SCN10A: variants seen among roughly 807,000 people sequenced by gnomAD.
SCN10A encodes the protein sodium voltage-gated channel alpha subunit 10.
A neutral mutation model predicts 170.7 loss-of-function variants in SCN10A; 162 were observed. The observed-to-expected ratio is 0.95, with a 90% CI of 0.84 to 1.08. The LOEUF is 1.08. Ranked by LOEUF, SCN10A falls within the 50% of genes least tolerant of loss-of-function variation. SCN10A has a pLI of 0.00. For missense variants in SCN10A, 2,527 were observed against 2,436.9 expected (o/e 1.04, Z -0.78); for synonymous variants, 985 against 904.6 (o/e 1.09, Z -1.59).
In SCN10A at chr3:38,697,896, A is replaced by G. The variant is rs2063110667; in HGVS notation, c.5324T>C (p.Leu1775Pro). The G allele has an allele frequency of 1.2e-6, 2 of 1,614,014 alleles. No individual in the cohort carries two copies. The highest frequency in any genetic ancestry group is 1.3e-5 in the African/African-American group (1 of 74,896). ...ATTTCGATTGGGTTTTGGGATTCTC[A>G]GGGGACCAGAGAGAGTGTCTGCAAA... Reference protein sequence around the residue: ...SDFADTLSGPLRIPKPNRNIL... With the variant: ...SDFADTLSGPPRIPKPNRNIL... Residue 1775 changes from leucine to proline, a missense_variant, in exon 28 of 28, where the codon CTG becomes CCG. Leu to Pro is a moderately conservative substitution (Grantham distance 98, BLOSUM62 -3). Coordinates refer to ENST00000449082, the MANE Select transcript of SCN10A (RefSeq NM_006514.4).
intron 1 of SCN10A, among the ~76,000 whole-genome samples, chr3:38,796,575 C>G (rs185639934): frequency 2.4e-4 from 36 of 152,312 alleles, no homozygotes; most frequent in South Asian, 1.2e-3. Flanking sequence ...TAGTCCCCAG[C>G]CACACTACTT....
At chr3:38,702,200 C>T (rs2063163868) in intron 26 of SCN10A, 91 bp from the exon 27 acceptor site, 6 of 1,341,352 alleles carry the variant, frequency 4.5e-6, no homozygotes, top group Non-Finnish European at 6.1e-6. Flanking sequence ...GTCTCCATCA[C>T]ACTCCACATC....
intron 27 of SCN10A, 45 bp downstream of exon 27, chr3:38,701,794 C>T: frequency 1.9e-6 from 3 of 1,548,974 alleles, no homozygotes; most frequent in Admixed American, 3.9e-5. Flanking sequence ...CCCAAAGACC[C>T]CCAAACAGAG....
chr3:38,716,414 A>G (rs1433955692), intron 21 of SCN10A, among the ~76,000 whole-genome samples: 3 of 151,924 alleles, frequency 2.0e-5, no homozygotes, highest in Admixed American at 2.0e-4. Context: ...TATAAGGGGG[A>G]GTTTCCCTGC....
chr3:38,723,601 C>G, intron 18 of SCN10A, 48 bp from the exon 19 acceptor site: 1 of 1,548,340 alleles, frequency 6.5e-7, no homozygotes, highest in Non-Finnish European at 8.7e-7. Context: ...CCGCGGGGCC[C>G]GGGGAATTGC....
rs146965005 is a variant in SCN10A at position 38,722,404 on chromosome 3, G to T, written c.3361C>A (p.Arg1121Ser). ...TCCAGTTTGCAGCAGGGACAGTGGCGAATGCATCCTGTGGGGAGAGGTGAC... is the reference window on the plus strand; with the variant it reads ...TCCAGTTTGCAGCAGGGACAGTGGCTAATGCATCCTGTGGGGAGAGGTGAC... ...PDDCFTEGCIRHCPCCKLDTT... is the reference protein window; with the variant it reads ...PDDCFTEGCISHCPCCKLDTT... Residue 1121 changes from arginine (R) to serine (S), a missense_variant, in exon 20 of 28, where the codon CGC (arginine) becomes AGC (serine). By Grantham distance (110) the Arg-to-Ser change is moderately radical. Transcript: ENST00000449082. 7.9e-5 allele frequency: 128 copies of T among 1,613,506 alleles called. No individual in the cohort carries two copies. In the African/African-American group the frequency reaches 1.4e-3, roughly 18 times the overall value.
chr3:38,746,245 A>G lies in SCN10A; in HGVS notation c.1868-3716T>C, dbSNP rs189182365. 3.7e-3 allele frequency among the ~76,000 whole-genome samples: 560 copies of G among 151,198 alleles called. 5 individuals carry two copies. Among genetic ancestry groups the G allele is most frequent in the African/African-American group, 0.013 (537 of 41,212 alleles). The stretch of plus-strand genomic sequence containing the variant: ...ATCTTCTTTCATCTTTCCCCATTAA[A>G]GCCCCCTTCTTCCCCTAAAATGCTC... On this transcript the variant is annotated intron_variant, in intron 13 of 27. Transcript: ENST00000449082.
intron 4 of SCN10A, among the ~76,000 whole-genome samples, chr3:38,779,683 C>A (rs1335568299): frequency 6.6e-6 from 1 of 151,920 alleles, no homozygotes; most frequent in South Asian, 2.1e-4. Flanking sequence ...TCTTTAACTG[C>A]ACTCTCTAGG....
chr3:38,808,626 T>C (rs181884935), intron 1 of SCN10A, among the ~76,000 whole-genome samples: 1 of 152,326 alleles, frequency 6.6e-6, no homozygotes, highest in Non-Finnish European at 1.5e-5. Context: ...CTTTAGAGAA[T>C]CGTCATGAAT....
At chr3:38,780,259 C>T (rs1559461447) in intron 4 of SCN10A, among the ~76,000 whole-genome samples, 2 of 151,628 alleles carry the variant, frequency 1.3e-5, no homozygotes, top group Non-Finnish European at 2.9e-5. Flanking sequence ...GCTTTTTGAC[C>T]GAGATTCCAC....
At chr3:38,801,290 T>C (rs1187401452) in intron 1 of SCN10A, among the ~76,000 whole-genome samples, 2 of 152,190 alleles carry the variant, frequency 1.3e-5, no homozygotes, top group African/African-American at 2.4e-5. Context: ...AGCACCTCAT[T>C]ATGTACAGTG....
rs528088553 is a variant in SCN10A at position 38,813,686 on chromosome 3, A to G, written c.-33+2351T>C. On this transcript the variant is annotated intron_variant, in intron 1 of 27. Coordinates refer to ENST00000449082, the MANE Select transcript of SCN10A (RefSeq NM_006514.4). Reference sequence around the variant, plus strand: ...ACTAGTTCATAAAACATGGCTCTAGATATCTTTGGAGAACAGAGAAAAGCA... The same window carrying G: ...ACTAGTTCATAAAACATGGCTCTAGGTATCTTTGGAGAACAGAGAAAAGCA... 5.3e-5 allele frequency among the ~76,000 whole-genome samples: 8 copies of G among 152,300 alleles called. No homozygotes were observed. In the East Asian group the frequency reaches 1.4e-3, roughly 26 times the overall value.
intron 23 of SCN10A, among the ~76,000 whole-genome samples, chr3:38,711,443 T>C (rs1472223634): frequency 6.6e-6 from 1 of 152,218 alleles, no homozygotes; most frequent in Non-Finnish European, 1.5e-5. Context: ...TTACAGCACT[T>C]AATGAGCTGT....
At chr3:38,756,428 C>T (rs1396692164) in intron 10 of SCN10A, among the ~76,000 whole-genome samples, 5 of 152,180 alleles carry the variant, frequency 3.3e-5, no homozygotes, top group Admixed American at 3.3e-4. Context: ...TTTAGTTCCA[C>T]CCTCTGCCCC....
intron 2 of SCN10A, among the ~76,000 whole-genome samples, chr3:38,792,433 A>G (rs568788881): frequency 3.4e-4 from 51 of 152,190 alleles, no homozygotes; most frequent in Non-Finnish European, 5.6e-4. Flanking sequence ...TTTAATGGAC[A>G]GACAGCCAAT....
At position 38,724,339 on chromosome 3, in the gene SCN10A, T is replaced by C. The variant is rs539183118; in HGVS notation, c.3229-786A>G. On this transcript the variant is annotated intron_variant, in intron 18 of 27. Transcript: ENST00000449082. The stretch of plus-strand genomic sequence containing the variant: ...TTATCTCTGTTGAGCCCAGTGCCTG[T>C]CACAAAGTCAGCACTCAGTGGCTAG... Among the ~76,000 whole-genome samples, 118 of 152,360 alleles carry C rather than the reference T, an allele frequency of 7.7e-4. 1 individual carries two copies. The highest frequency in any genetic ancestry group is 6.8e-3 in the Middle Eastern group (2 of 294).
At position 38,726,876 on chromosome 3, in the gene SCN10A, G is replaced by A. The variant is rs374319726; in HGVS notation, c.2817C>T (p.Pro939=). The change falls in exon 17 of 28, where the codon CCC becomes CCT. Residue 939 remains proline (P), a synonymous_variant. Transcript: ENST00000449082. ...CSFFSRSCPF[P]QPKAEPELVV... ...CCAGCTCAGGCTCTGCCTTGGGCTG[G>A]GGGAATGGGCAGGACCTGCTGAAGA... The A allele has an allele frequency of 5.0e-6, 8 of 1,614,194 alleles. No homozygotes were observed. In the African/African-American group the frequency reaches 8.0e-5, roughly 16 times the overall value.
At position 38,757,060 on chromosome 3, in the gene SCN10A, G is replaced by C. The variant is rs764298098; in HGVS notation, c.1050C>G (p.Phe350Leu). ...DSFAWAFLSL[F>L]RLMTQDSWER... The stretch of plus-strand genomic sequence containing the variant: ...CCCAGGAATCCTGTGTCATGAGGCG[G>C]AACAGTGAGAGGAAAGCCCAAGCAA... The change falls in exon 9 of 28, where the codon TTC becomes TTG. Residue 350 changes from phenylalanine (F) to leucine (L), a missense_variant. Coordinates refer to ENST00000449082, the MANE Select transcript of SCN10A (RefSeq NM_006514.4). 6.2e-7 allele frequency: 1 copy of C among 1,613,726 alleles called. No individual in the cohort carries two copies. Among genetic ancestry groups the C allele is most frequent in the East Asian group, 2.2e-5 (1 of 44,882 alleles).
At chr3:38,726,133 G>A (rs1010401109) in intron 17 of SCN10A, among the ~76,000 whole-genome samples, 1 of 152,210 alleles carries the variant, frequency 6.6e-6, no homozygotes, top group Non-Finnish European at 1.5e-5. Context: ...TGGCTCAAAT[G>A]TGCTTTAAAT....
Sources: allele counts gnomAD v4.1 joint callset (sites outside exome capture counted in the v4.1 genomes callset), GRCh38; gene constraint gnomAD v4.1.1; transcripts MANE v1.5; gene names NCBI Gene and HGNC (gene_info 2026-07-23, HGNC 2026-07-21).